Variants in INSYN2B observed in about 807,000 individuals in gnomAD.
The protein encoded by INSYN2B is inhibitory synaptic factor family member 2B.
In INSYN2B, 16 loss-of-function variants were observed where a neutral mutation model predicts 41.2. The ratio of observed to expected loss-of-function variants is 0.39; its 90% CI spans 0.26 to 0.59. INSYN2B has a LOEUF of 0.59. Ranked by LOEUF, INSYN2B falls within the 20% of genes least tolerant of loss-of-function variation. INSYN2B has a pLI of 0.57. For synonymous variants in INSYN2B, 245 were observed against 244.4 expected, an observed-to-expected ratio of 1.00 and a Z score of -0.02; for missense variants, 608 against 646.4, an observed-to-expected ratio of 0.94 and a Z score of 0.64.
intron 1 of INSYN2B, among the ~76,000 whole-genome samples, chr5:169,941,144 A>G (rs1447569985): frequency 6.6e-6 from 1 of 152,154 alleles, no homozygotes; most frequent in Non-Finnish European, 1.5e-5. Flanking sequence ...GTGTCGGGAG[A>G]GCAGATAACA....
At chr5:169,909,184 G>A (rs184882903) in intron 1 of INSYN2B, among the ~76,000 whole-genome samples, 3 of 152,286 alleles carry the variant, frequency 2.0e-5, no homozygotes, top group East Asian at 3.9e-4. Context: ...ATGATGTGCT[G>A]TCCAGTATGG....
intron 3 of INSYN2B, among the ~76,000 whole-genome samples, chr5:169,867,136 G>A (rs556994658): frequency 1.3e-4 from 20 of 152,212 alleles, no homozygotes; most frequent in Non-Finnish European, 2.4e-4. Context: ...TATTGCAAAG[G>A]ATACAGATGA....
chr5:169,877,009 T>C (rs1561787656), intron 3 of INSYN2B, among the ~76,000 whole-genome samples: 6 of 152,216 alleles, frequency 3.9e-5, no homozygotes, highest in Admixed American at 2.0e-4. Flanking sequence ...ATCAGTGACC[T>C]AGCAGATGAG....
chr5:169,864,562 A>T (rs1057478934), intron 3 of INSYN2B, 103 bp from the exon 4 acceptor site: 20 of 946,122 alleles, frequency 2.1e-5, no homozygotes, highest in Non-Finnish European at 2.9e-5. Flanking sequence ...GAGCTTTGGG[A>T]TCAAATCCTA....
intron 1 of INSYN2B, among the ~76,000 whole-genome samples, chr5:169,886,444 C>A (rs1772975755): frequency 6.6e-6 from 1 of 152,188 alleles, no homozygotes; most frequent in African/African-American, 2.4e-5. Flanking sequence ...TTCCTCAGTC[C>A]ATGACTAAAT....
intron 1 of INSYN2B, among the ~76,000 whole-genome samples, chr5:169,968,568 T>C (rs1015397156): frequency 1.3e-5 from 2 of 152,212 alleles, no homozygotes; most frequent in Non-Finnish European, 2.9e-5. Flanking sequence ...AATATCCCTA[T>C]GGAGTTCGTG....
chr5:169,883,427 C>G lies in INSYN2B; in HGVS notation c.472G>C (p.Glu158Gln). The change falls in exon 2 of 4, where the codon GAG (glutamate) becomes CAG (glutamine). Residue 158 changes from glutamate to glutamine, a missense_variant. Glu to Gln is a conservative substitution (Grantham distance 29). Coordinates refer to ENST00000377365, the MANE Select transcript of INSYN2B (RefSeq NM_001129891.3). ...LAYLRLAQHL[E>Q]DGPRRVKVSH... ...ACCTTGACCCTTCGAGGCCCATCCT[C>G]AAGATGCTGAGCCAACCTTAAGTAG... The G allele has an allele frequency of 2.6e-6, 4 of 1,551,686 alleles. No individual in the cohort carries two copies. The African/African-American group carries it at 4.1e-5, about 16-fold the overall frequency.
chr5:169,944,970 C>T (rs1461993288), intron 1 of INSYN2B, among the ~76,000 whole-genome samples: 1 of 152,186 alleles, frequency 6.6e-6, no homozygotes, highest in African/African-American at 2.4e-5. Context: ...TGGGGTCTAT[C>T]CAACCTGAGA....
At position 169,883,537 on chromosome 5, in the gene INSYN2B, A is replaced by T; in HGVS notation, c.362T>A (p.Leu121Gln). The change falls in exon 2 of 4, where the codon CTG becomes CAG. Residue 121 changes from leucine to glutamine, a missense_variant. Transcript: ENST00000377365. ...KRKRLTASKSLVEMPTASQSA... is the reference protein window; with the variant it reads ...KRKRLTASKSQVEMPTASQSA... ...TTGGGAGGCTGTTGGCATTTCCACC[A>T]GGGACTTACTGGCTGTGAGTCTCTT... 1.3e-6 allele frequency: 2 copies of T among 1,551,676 alleles called. No homozygotes were observed. Among genetic ancestry groups the T allele is most frequent in the South Asian group, 2.4e-5 (2 of 84,052 alleles).
chr5:169,890,831 A>G (rs1773238305), intron 1 of INSYN2B, among the ~76,000 whole-genome samples: 1 of 152,146 alleles, frequency 6.6e-6, no homozygotes, highest in South Asian at 2.1e-4. Flanking sequence ...CCAGGTCTCC[A>G]TCATCTCTCA....
At position 169,974,821 on chromosome 5, in the gene INSYN2B, A is replaced by G. The variant is rs528700143; in HGVS notation, c.-919+5456T>C. Among the ~76,000 whole-genome samples the G allele has an allele frequency of 2.0e-5, 3 of 151,896 alleles. No homozygotes were observed. In the South Asian group the frequency reaches 6.2e-4, roughly 32 times the overall value. Reference sequence around the variant, plus strand: ...TTCTGAACCTGTTCTTTTTGCAATCATATTTGTGACCCCCCTCCCCCCGAC... The same window carrying G: ...TTCTGAACCTGTTCTTTTTGCAATCGTATTTGTGACCCCCCTCCCCCCGAC... On this transcript the variant is annotated intron_variant, in intron 1 of 3. Transcript: ENST00000377365.
At chr5:169,919,286 C>A (rs931929482) in intron 1 of INSYN2B, among the ~76,000 whole-genome samples, 1 of 152,196 alleles carries the variant, frequency 6.6e-6, no homozygotes, top group Admixed American at 6.5e-5. Context: ...AATGAGTCTC[C>A]TGACACCCAG....
intron 1 of INSYN2B, among the ~76,000 whole-genome samples, chr5:169,888,719 G>C (rs555814695): frequency 2.0e-5 from 3 of 152,296 alleles, no homozygotes; most frequent in Admixed American, 6.5e-5. Context: ...CTTGATCTTT[G>C]TAAAACCGCC....
chr5:169,949,455 C>T (rs1382675611), intron 1 of INSYN2B, among the ~76,000 whole-genome samples: 1 of 151,980 alleles, frequency 6.6e-6, no homozygotes, highest in Non-Finnish European at 1.5e-5. Flanking sequence ...CCCAGTTTGG[C>T]TGAAGGGAAG....
At chr5:169,925,631 C>T (rs975961342) in intron 1 of INSYN2B, among the ~76,000 whole-genome samples, 13 of 146,522 alleles carry the variant, frequency 8.9e-5, no homozygotes, top group African/African-American at 3.1e-4. Flanking sequence ...GTAATCCCAG[C>T]AGCTCTGCCA....
At chr5:169,959,894 C>A (rs1232616630) in intron 1 of INSYN2B, among the ~76,000 whole-genome samples, 1 of 152,184 alleles carries the variant, frequency 6.6e-6, no homozygotes, top group Admixed American at 6.5e-5. Flanking sequence ...AGAAGCACTT[C>A]AGAGAGCTGA....
In INSYN2B at chr5:169,884,836, A is replaced by C. The variant is rs1263778200; in HGVS notation, c.-918-20T>G. The C allele has an allele frequency of 6.6e-6, 1 of 152,314 alleles. No homozygotes were observed. Among genetic ancestry groups the C allele is most frequent in the Non-Finnish European group, 1.5e-5 (1 of 68,070 alleles). 9.4% of individuals were successfully genotyped at this position (152,314 alleles called of 1,614,324 possible). A position where few individuals can be genotyped will look rare whatever the true frequency, so the allele number is the denominator to read the frequency against. ...GAGCACCTGAAAGGGAAGAGACAAC[A>C]GTGGCCAATGAGAAGGCAGTTTCTG... On this transcript the variant is annotated intron_variant, in intron 1 of 3. Transcript: ENST00000377365.
intron 1 of INSYN2B, among the ~76,000 whole-genome samples, chr5:169,900,449 T>C (rs1773857981): frequency 6.6e-6 from 1 of 152,172 alleles, no homozygotes; most frequent in South Asian, 2.1e-4. Context: ...TAGTGGCAAA[T>C]GTCAGGAGAA....
intron 1 of INSYN2B, among the ~76,000 whole-genome samples, chr5:169,961,743 C>T (rs764520053): frequency 2.6e-5 from 4 of 151,894 alleles, no homozygotes; most frequent in Non-Finnish European, 5.9e-5. Context: ...TTTGGGAGGC[C>T]GAGGTGGGCA....
Sources: gnomAD v4.1 joint callset for allele counts (sites outside exome capture counted in the v4.1 genomes callset) on GRCh38, gnomAD v4.1.1 for gene constraint, MANE v1.5 for transcripts, NCBI Gene and HGNC (gene_info 2026-07-23, HGNC 2026-07-21) for gene names.